Variants in LRRC4C observed in about 807,000 individuals in gnomAD.
LRRC4C encodes the protein leucine-rich repeat-containing protein 4C.
In LRRC4C, 5 loss-of-function variants were observed where a neutral mutation model predicts 33.6. That is an observed-to-expected ratio of 0.15 (90% confidence interval 0.08 to 0.31). LRRC4C has a LOEUF of 0.31. Among genes scored for constraint, LRRC4C ranks in the 10% least tolerant of loss-of-function variants. LRRC4C has a pLI of 1.00. For synonymous variants in LRRC4C, 329 were observed against 302.0 expected, an observed-to-expected ratio of 1.09 and a Z score of -0.93; for missense variants, 560 against 796.7, an observed-to-expected ratio of 0.70 and a Z score of 3.58.
chr11:40,650,888 C>T (rs1165135884), intron 2 of LRRC4C, among the ~76,000 whole-genome samples: 1 of 152,058 alleles, frequency 6.6e-6, no homozygotes, highest in Non-Finnish European at 1.5e-5. Context: ...CCAAAAATAG[C>T]CAGCCACAGA....
intron 2 of LRRC4C, among the ~76,000 whole-genome samples, chr11:40,799,820 G>T (rs1449782293): frequency 6.6e-6 from 1 of 152,138 alleles, no homozygotes; most frequent in Non-Finnish European, 1.5e-5. Flanking sequence ...TAACTTCTCT[G>T]ATCTCAGATT....
intron 2 of LRRC4C, among the ~76,000 whole-genome samples, chr11:40,778,857 A>C (rs939399953): frequency 2.0e-5 from 3 of 152,182 alleles, no homozygotes; most frequent in Non-Finnish European, 4.4e-5. Flanking sequence ...TTGTTGGGAA[A>C]GGGGTAGGGA....
Position 40,248,942 on chromosome 11 carries a change from T to A in LRRC4C, c.-175-7344A>T, listed in dbSNP as rs1470819972. 5.9e-5 allele frequency among the ~76,000 whole-genome samples: 9 copies of A among 152,282 alleles called. No individual in the cohort carries two copies. The East Asian group carries it at 1.7e-3, about 29-fold the overall frequency. On this transcript the variant is annotated intron_variant, in intron 4 of 6. Coordinates refer to ENST00000528697, the MANE Select transcript of LRRC4C (RefSeq NM_001258419.2). ...AAGACCACTGCTTGAGATCAGAGACTACAACGGCAGTGACTGCTTTTTTTC... is the reference window on the plus strand; with the variant it reads ...AAGACCACTGCTTGAGATCAGAGACAACAACGGCAGTGACTGCTTTTTTTC...
intron 1 of LRRC4C, among the ~76,000 whole-genome samples, chr11:41,165,223 T>A (rs1388595001): frequency 6.6e-6 from 1 of 152,114 alleles, no homozygotes; most frequent in African/African-American, 2.4e-5. Context: ...CCTTTGACTC[T>A]GCCAGACTTT....
At chr11:40,820,985 A>C (rs1951906571) in intron 2 of LRRC4C, among the ~76,000 whole-genome samples, 4 of 151,776 alleles carry the variant, frequency 2.6e-5, no homozygotes, top group Admixed American at 2.6e-4. Flanking sequence ...AATATACAAA[A>C]TTTAATTTTA....
At chr11:41,128,687 C>A (rs576300153) in intron 1 of LRRC4C, among the ~76,000 whole-genome samples, 1 of 152,156 alleles carries the variant, frequency 6.6e-6, no homozygotes, top group East Asian at 1.9e-4. Context: ...TAATCTAATG[C>A]TCTGAATTAT....
intron 1 of LRRC4C, among the ~76,000 whole-genome samples, chr11:41,285,410 C>G (rs1376702667): frequency 1.3e-5 from 2 of 152,182 alleles, no homozygotes; most frequent in Non-Finnish European, 2.9e-5. Flanking sequence ...ACTGTTTAGG[C>G]AGATGCTAAG....
At chr11:40,984,360 GAAA>G (rs748614233) in intron 1 of LRRC4C, among the ~76,000 whole-genome samples, 1,139 of 62,026 alleles carry the variant, frequency 0.018, 6 homozygotes, top group Middle Eastern at 0.079. Flanking sequence ...GAGAAAGAAA[GAAA>G]AAAGAAAGAA....
chr11:41,123,275 T>G (rs1360060365), intron 1 of LRRC4C, among the ~76,000 whole-genome samples: 7 of 117,164 alleles, frequency 6.0e-5, no homozygotes, highest in African/African-American at 1.9e-4. Flanking sequence ...TTTTTTTTTT[T>G]TTTTTTTTTT....
intron 2 of LRRC4C, among the ~76,000 whole-genome samples, chr11:40,685,099 A>G (rs565417779): frequency 3.9e-5 from 6 of 152,218 alleles, no homozygotes; most frequent in East Asian, 1.9e-4. Flanking sequence ...AATTGTAACT[A>G]AAACAGTGAA....
chr11:40,434,986 G>GA (rs1176151344), intron 3 of LRRC4C, among the ~76,000 whole-genome samples: 3 of 151,972 alleles, frequency 2.0e-5, no homozygotes, highest in African/African-American at 2.4e-5. Flanking sequence ...GCAACATGCT[G>GA]AAAAAAAATC....
At chr11:41,059,554 TTTTTA>T (rs1429414081) in intron 1 of LRRC4C, among the ~76,000 whole-genome samples, 6 of 152,212 alleles carry the variant, frequency 3.9e-5, no homozygotes, top group Admixed American at 2.6e-4. Flanking sequence ...TTTCTTCTTC[TTTTTA>T]TTTTGTTATT....
chr11:40,723,311 T>C (rs1947122134), intron 2 of LRRC4C, among the ~76,000 whole-genome samples: 1 of 151,578 alleles, frequency 6.6e-6, no homozygotes, highest in South Asian at 2.1e-4. Flanking sequence ...GTCATCCGAC[T>C]TTCTAAGATT....
chr11:41,324,902 T>C (rs1951062815), intron 1 of LRRC4C, among the ~76,000 whole-genome samples: 2 of 152,232 alleles, frequency 1.3e-5, no homozygotes, highest in African/African-American at 4.8e-5. Flanking sequence ...TTGTATCATA[T>C]ATTTAAAATA....
chr11:40,396,148 G>T lies in LRRC4C; in HGVS notation c.-269-76427C>A, dbSNP rs188107633. The stretch of plus-strand genomic sequence containing the variant: ...ACAGGGTGGTCCTGAATCACATTAA[G>T]AAAGTCTATTCTTCACATTAAGAAA... On this transcript the variant is annotated intron_variant, in intron 3 of 6. Coordinates refer to ENST00000528697, the MANE Select transcript of LRRC4C (RefSeq NM_001258419.2). Among the ~76,000 whole-genome samples, 304 of 152,216 alleles carry T rather than the reference G, an allele frequency of 2.0e-3. 1 individual carries two copies. The highest frequency in any genetic ancestry group is 3.6e-3 in the Non-Finnish European group (248 of 67,996).
At chr11:41,371,385 T>C (rs1187905771) in intron 1 of LRRC4C, among the ~76,000 whole-genome samples, 2 of 152,250 alleles carry the variant, frequency 1.3e-5, no homozygotes, top group Admixed American at 6.5e-5. Flanking sequence ...GATTCCAATG[T>C]CCAAACTTAA....
chr11:41,376,303 C>T (rs1019710596), intron 1 of LRRC4C, among the ~76,000 whole-genome samples: 1 of 152,132 alleles, frequency 6.6e-6, no homozygotes, highest in Non-Finnish European at 1.5e-5. Context: ...CAAATTGGAA[C>T]TTGCCGGTAG....
At chr11:41,384,956 T>C (rs1953300409) in intron 1 of LRRC4C, among the ~76,000 whole-genome samples, 1 of 150,534 alleles carries the variant, frequency 6.6e-6, no homozygotes, top group African/African-American at 2.4e-5. Context: ...TATATCAGTT[T>C]GTATAGTTGT....
chr11:41,037,665 C>G (rs1252127482), intron 1 of LRRC4C, among the ~76,000 whole-genome samples: 1 of 151,958 alleles, frequency 6.6e-6, no homozygotes, highest in African/African-American at 2.4e-5. Context: ...AACAACCCAA[C>G]AAATTCCCTT....
Sources: gnomAD v4.1 joint callset for allele counts (sites outside exome capture counted in the v4.1 genomes callset) on GRCh38, gnomAD v4.1.1 for gene constraint, MANE v1.5 for transcripts, NCBI Gene and HGNC (gene_info 2026-07-23, HGNC 2026-07-21) for gene names.